Variants in ALDH1L1 observed in about 807,000 individuals in gnomAD.
The protein encoded by ALDH1L1 is aldehyde dehydrogenase 1 family member L1, also known as cytosolic 10-formyltetrahydrofolate dehydrogenase.
A neutral mutation model predicts 101.1 loss-of-function variants in ALDH1L1; 68 were observed. The observed-to-expected ratio is 0.67, with a 90% CI of 0.55 to 0.82. The LOEUF is 0.82. ALDH1L1 is among the 40% of genes least tolerant of loss of function. ALDH1L1 has a pLI of 0.00. For missense variants in ALDH1L1, 1,087 were observed against 1,172.7 expected, an observed-to-expected ratio of 0.93 and a Z score of 1.07; for synonymous variants, 486 against 470.8, an observed-to-expected ratio of 1.03 and a Z score of -0.42.
rs530512229 is a variant in ALDH1L1 at position 126,131,224 on chromosome 3, C to T, written c.1623+160G>A. Among the ~76,000 whole-genome samples, 7 of 152,354 alleles carry T rather than the reference C, an allele frequency of 4.6e-5. 1 individual carries two copies. In the South Asian group the frequency reaches 1.4e-3, roughly 32 times the overall value. ...ACCCAGCCCAGCCTGCCTGGAATTC[C>T]CACCTGCAGGACCACAAGCTAATAA... On this transcript the variant is annotated intron_variant, in intron 13 of 22. Transcript: ENST00000393434.
chr3:126,117,863 C>T (rs917027271), intron 17 of ALDH1L1, 142 bp downstream of exon 17: 7 of 808,234 alleles, frequency 8.7e-6, no homozygotes, highest in South Asian at 1.7e-5. Flanking sequence ...GCCTCTTCAG[C>T]GTTTGCATAG....
intron 13 of ALDH1L1, 118 bp from the exon 14 acceptor site, chr3:126,130,411 A>T: frequency 1.2e-6 from 1 of 845,738 alleles, no homozygotes; most frequent in South Asian, 3.4e-5. Context: ...CTTAGGTGTG[A>T]CCTGAGGCTT....
chr3:126,158,737 C>T, intron 2 of ALDH1L1, 98 bp from the exon 3 acceptor site: 11 of 1,153,554 alleles, frequency 9.5e-6, no homozygotes, highest in Non-Finnish European at 1.4e-5. Flanking sequence ...GACTTCTCTC[C>T]ATTCCTGCCC....
intron 1 of ALDH1L1, among the ~76,000 whole-genome samples, chr3:126,178,844 G>A (rs1346935720): frequency 2.0e-5 from 3 of 151,776 alleles, no homozygotes; most frequent in Non-Finnish European, 1.5e-5. Flanking sequence ...AAGTTACTGG[G>A]TAAAGGGTTT....
At chr3:126,149,091 C>A (rs2080756479) in intron 8 of ALDH1L1, among the ~76,000 whole-genome samples, 1 of 152,202 alleles carries the variant, frequency 6.6e-6, no homozygotes, top group South Asian at 2.1e-4. Flanking sequence ...CCTGTTACAC[C>A]AGAAGCTGCC....
At chr3:126,154,484 G>T in intron 6 of ALDH1L1, 70 bp downstream of exon 6, 1 of 1,462,570 alleles carries the variant, frequency 6.8e-7, no homozygotes, top group Non-Finnish European at 9.6e-7. Flanking sequence ...GTTCAAACAT[G>T]TGTGACAGTT....
rs2081455428 is a variant in ALDH1L1, at chr3:126,180,480, C to T, written c.-28G>A. The T allele has an allele frequency of 2.0e-6, 2 of 995,188 alleles. No homozygotes were observed. Among genetic ancestry groups the T allele is most frequent in the Non-Finnish European group, 2.4e-6 (2 of 835,674 alleles). The allele number at this position is 995,188 out of a possible 1,614,324, so 61.6% of individuals were successfully genotyped here. ...CTCGAGAGCCCAGAAACTCACCGCG[C>T]GCAGGAGTTGGTGCGGGCGTCCCGG... On this transcript the variant is annotated 5_prime_UTR_variant, in exon 1 of 23. Transcript: ENST00000393434.
chr3:126,158,058 G>A (rs559744881), intron 3 of ALDH1L1, among the ~76,000 whole-genome samples: 1 of 152,244 alleles, frequency 6.6e-6, no homozygotes, highest in Admixed American at 6.5e-5. Context: ...CACCGCCTGG[G>A]GTGGCACCCT....
chr3:126,189,942 T>A lies in ALDH1L1; in HGVS notation c.-24+7793A>T, dbSNP rs150602944. Among the ~76,000 whole-genome samples, 352 of 152,336 alleles carry A rather than the reference T, an allele frequency of 2.3e-3. 5 individuals carry two copies. The highest frequency in any genetic ancestry group is 2.3e-3 in the Non-Finnish European group (159 of 68,020). On this transcript the variant is annotated intron_variant, in intron 1 of 2. Coordinates refer to the ALDH1L1 transcript ENST00000509952. ...TAAAATGCCATTTGTTCTTTCAACT[T>A]TTCTAGAAGATTGAGGGTGATGGGG...
In ALDH1L1 at chr3:126,154,586, C is replaced by T; in HGVS notation, c.688G>A (p.Val230Met). 6.2e-7 allele frequency: 1 copy of T among 1,614,198 alleles called. No individual in the cohort carries two copies. The highest frequency in any genetic ancestry group is 8.5e-7 in the Non-Finnish European group (1 of 1,180,034). Residue 230 changes from valine (V) to methionine (M), a missense_variant, in exon 6 of 23, where the codon GTG becomes ATG. Transcript: ENST00000393434. ...IHNWIRGNDKVPGAWTEACEQ... is the reference protein window; with the variant it reads ...IHNWIRGNDKMPGAWTEACEQ... ...CAGGCCTCTGTCCAGGCTCCCGGCA[C>T]CTTGTCGTTCCCGCGGATCCAGTTG...
chr3:126,106,740 G>A (rs1043136262), intron 21 of ALDH1L1, among the ~76,000 whole-genome samples: 1 of 152,226 alleles, frequency 6.6e-6, no homozygotes, highest in African/African-American at 2.4e-5. Flanking sequence ...GACACTGCAT[G>A]GAGCAGAGAT....
chr3:126,114,782 T>G lies in ALDH1L1; in HGVS notation c.1983-126A>C, dbSNP rs2108194011. 3.5e-6 allele frequency: 3 copies of G among 863,434 alleles called. No homozygotes were observed. In the Middle Eastern group the frequency reaches 6.6e-4, roughly 189 times the overall value. The allele number at this position is 863,434 out of a possible 1,614,324, so 53.5% of individuals were successfully genotyped here. A position where few individuals can be genotyped will look rare whatever the true frequency, so the allele number is the denominator to read the frequency against. On this transcript the variant is annotated intron_variant, in intron 17 of 22. Coordinates refer to ENST00000393434, the MANE Select transcript of ALDH1L1 (RefSeq NM_012190.4). ...GCTGCAAGAAGCAAGACCCGGCCAGTGCCTCCCCACTCCCCCCCACCCCTT... is the reference window on the plus strand; with the variant it reads ...GCTGCAAGAAGCAAGACCCGGCCAGGGCCTCCCCACTCCCCCCCACCCCTT...
In ALDH1L1 at chr3:126,146,917, G is replaced by A; in HGVS notation, c.994C>T (p.Gln332Ter). 2.5e-6 allele frequency: 4 copies of A among 1,613,748 alleles called. No individual in the cohort carries two copies. In the South Asian group the frequency reaches 3.3e-5, roughly 13 times the overall value. Reference protein sequence around the residue: ...VTAEAVRSVWQRILPKVLEVE... With the variant: ...VTAEAVRSVW ...TCCAGGACTTTGGGGAGGATCCGCT[G>A]CCAAACACTCTGCAAAGCAAGACCT... The change falls in exon 9 of 23, where the codon CAG becomes TAG. Residue 332 changes from glutamine to a stop codon, truncating the protein, a stop_gained. Coordinates refer to ENST00000393434, the MANE Select transcript of ALDH1L1 (RefSeq NM_012190.4). LOFTEE classifies it high-confidence loss of function.
At chr3:126,134,903 C>T (rs965191360) in intron 12 of ALDH1L1, among the ~76,000 whole-genome samples, 2 of 152,174 alleles carry the variant, frequency 1.3e-5, no homozygotes, top group Non-Finnish European at 2.9e-5. Flanking sequence ...GGTGACTGCT[C>T]CTTCCCGCCA....
chr3:126,155,438 G>A lies in ALDH1L1; in HGVS notation c.594C>T (p.Ala198=). Residue 198 remains alanine, a synonymous_variant, in exon 5 of 23, where the codon GCC becomes GCT. Coordinates refer to ENST00000393434, the MANE Select transcript of ALDH1L1 (RefSeq NM_012190.4). ...APRLPQPEEG[A]TYEGIQKKET... is the part of the protein sequence containing the mutation. ...CCTTCTTCTGAATCCCCTCATAGGT[G>A]GCTCCTTCCTCAGGCTGAGGGAGTC... is the stretch of plus-strand genomic sequence containing the variant. The A allele has an allele frequency of 1.2e-6, 2 of 1,613,298 alleles. No homozygotes were observed. The highest frequency in any genetic ancestry group is 1.7e-6 in the Non-Finnish European group (2 of 1,179,726).
chr3:126,119,151 C>T (rs1032702200), intron 16 of ALDH1L1, among the ~76,000 whole-genome samples: 1 of 152,198 alleles, frequency 6.6e-6, no homozygotes, highest in Non-Finnish European at 1.5e-5. Context: ...GCCCTCTTCT[C>T]TCCTCAGCTT....
chr3:126,172,056 C>CTG (rs1327544828), intron 1 of ALDH1L1, among the ~76,000 whole-genome samples: 1 of 152,190 alleles, frequency 6.6e-6, no homozygotes, highest in Non-Finnish European at 1.5e-5. Context: ...TCCTCTGATA[C>CTG]CCACAGCTAT....
In ALDH1L1 at chr3:126,117,990, C is replaced by G. The variant is rs4646740; in HGVS notation, c.1982+15G>C. The G allele has an allele frequency of 0.097, 155,414 of 1,607,612 alleles. 8,145 individuals are homozygous for G. The highest frequency in any genetic ancestry group is 0.19 in the East Asian group (8,462 of 44,766). ...CCACAGCAGCCCCTCCTCTGCTCCA[C>G]CCCCAGCCACGCACCTTTTCATGAT... On this transcript the variant is annotated intron_variant, in intron 17 of 22. Coordinates refer to ENST00000393434, the MANE Select transcript of ALDH1L1 (RefSeq NM_012190.4).
chr3:126,158,316 G>T, intron 3 of ALDH1L1, 89 bp downstream of exon 3: 1 of 1,289,858 alleles, frequency 7.8e-7, no homozygotes, highest in Non-Finnish European at 1.1e-6. Context: ...TGCAGCCCTA[G>T]AAATGCTTTG....
Sources: allele counts gnomAD v4.1 joint callset (sites outside exome capture counted in the v4.1 genomes callset), GRCh38; gene constraint gnomAD v4.1.1; transcripts MANE v1.5; gene names NCBI Gene and HGNC (gene_info 2026-07-23, HGNC 2026-07-21).